The following LRP1B variants were observed in gnomAD, a reference collection of about 807,000 sequenced individuals.
LRP1B encodes LDL receptor related protein 1B, also known as low-density lipoprotein receptor-related protein 1B.
LRP1B carries 217 observed loss-of-function variants against 556.6 expected under a neutral mutation model. That is an observed-to-expected ratio of 0.39 (90% CI 0.35 to 0.44). The LOEUF (loss-of-function observed/expected upper bound fraction) is 0.44, where lower values mean the gene tolerates loss of function less well. Ranked by LOEUF, LRP1B falls within the 20% of genes least tolerant of loss-of-function variation. The pLI is 1.00. For synonymous variants in LRP1B, 2,047 were observed against 1,865.8 expected (o/e 1.10, Z -2.50); for missense variants, 5,053 against 5,620.8 (o/e 0.90, Z 3.23).
intron 3 of LRP1B, among the ~76,000 whole-genome samples, chr2:141,459,946 A>C (rs1192801209): frequency 6.6e-6 from 1 of 152,186 alleles, no homozygotes; most frequent in Non-Finnish European, 1.5e-5. Context: ...GATAGAAGAC[A>C]AGAGAGATGA....
chr2:141,306,807 T>C (rs1378648138), intron 3 of LRP1B, among the ~76,000 whole-genome samples: 3 of 152,254 alleles, frequency 2.0e-5, no homozygotes, highest in Non-Finnish European at 4.4e-5. Flanking sequence ...TCTGGTATTA[T>C]GTATCAATTT....
intron 49 of LRP1B, among the ~76,000 whole-genome samples, chr2:140,520,565 T>G (rs1690118879): frequency 6.6e-6 from 1 of 151,974 alleles, no homozygotes; most frequent in Non-Finnish European, 1.5e-5. Context: ...GTAAAAAACC[T>G]GCACATTGTG....
At chr2:140,659,889 C>T (rs1025475468) in intron 41 of LRP1B, among the ~76,000 whole-genome samples, 1 of 152,022 alleles carries the variant, frequency 6.6e-6, no homozygotes, top group African/African-American at 2.4e-5. Flanking sequence ...GGGAGTAACA[C>T]ATTGATTTTT....
At chr2:140,438,651 C>T (rs1686294951) in intron 66 of LRP1B, among the ~76,000 whole-genome samples, 1 of 152,254 alleles carries the variant, frequency 6.6e-6, no homozygotes, top group South Asian at 2.1e-4. Context: ...AAAAAGTTCA[C>T]GTTCTCTTCA....
intron 1 of LRP1B, among the ~76,000 whole-genome samples, chr2:141,858,272 A>G (rs150825850): frequency 6.6e-6 from 1 of 152,296 alleles, no homozygotes; most frequent in African/African-American, 2.4e-5. Flanking sequence ...TCCACACTGT[A>G]AGTTCTTTAG....
chr2:141,987,824 T>C (rs1413298338), intron 1 of LRP1B, among the ~76,000 whole-genome samples: 4 of 151,958 alleles, frequency 2.6e-5, no homozygotes, highest in African/African-American at 4.8e-5. Flanking sequence ...ACTACCAGTA[T>C]TTTCAGGCAA....
intron 1 of LRP1B, among the ~76,000 whole-genome samples, chr2:141,986,968 G>T (rs1702208383): frequency 6.6e-6 from 1 of 151,978 alleles, no homozygotes; most frequent in African/African-American, 2.4e-5. Flanking sequence ...ACCTTGGTAA[G>T]TATTTAACCC....
chr2:140,639,331 A>G (rs1294879440), intron 41 of LRP1B, among the ~76,000 whole-genome samples: 2 of 152,208 alleles, frequency 1.3e-5, no homozygotes, highest in Non-Finnish European at 1.5e-5. Flanking sequence ...ATTGTTGAAC[A>G]TTCTTGAGAC....
intron 7 of LRP1B, among the ~76,000 whole-genome samples, chr2:141,101,615 A>G (rs1700463349): frequency 6.6e-6 from 1 of 152,184 alleles, no homozygotes; most frequent in Admixed American, 6.6e-5. Flanking sequence ...TGTGTATTTG[A>G]ATGAATGAGT....
At chr2:141,605,001 G>A (rs1278375884) in intron 2 of LRP1B, among the ~76,000 whole-genome samples, 4 of 152,060 alleles carry the variant, frequency 2.6e-5, no homozygotes, top group Non-Finnish European at 5.9e-5. Flanking sequence ...AGCCAAGGCA[G>A]GCAGAGTGGG....
At chr2:141,173,660 T>C (rs1384585787) in intron 7 of LRP1B, among the ~76,000 whole-genome samples, 1 of 152,056 alleles carries the variant, frequency 6.6e-6, no homozygotes, top group Non-Finnish European at 1.5e-5. Context: ...CTTCACTTGG[T>C]GTGGGTAGGA....
intron 8 of LRP1B, 78 bp from the exon 9 acceptor site, chr2:141,059,132 C>A (rs896621550): frequency 1.1e-6 from 1 of 940,102 alleles, no homozygotes; most frequent in East Asian, 2.8e-5. Flanking sequence ...TTGCTATTTA[C>A]TAGTATGGAA....
intron 76 of LRP1B, 82 bp downstream of exon 76, chr2:140,352,871 G>T (rs16843835): frequency 1.5e-6 from 2 of 1,347,020 alleles, no homozygotes; most frequent in Non-Finnish European, 1.0e-6. Flanking sequence ...GCTGTTGCTG[G>T]AATGAAATAT....
intron 2 of LRP1B, among the ~76,000 whole-genome samples, chr2:141,584,331 A>G (rs1214402774): frequency 6.6e-6 from 1 of 152,146 alleles, no homozygotes; most frequent in Admixed American, 6.5e-5. Context: ...TAGACAAAAG[A>G]GAAGTGAGAT....
At chr2:141,951,415 C>T (rs1392107406) in intron 1 of LRP1B, among the ~76,000 whole-genome samples, 1 of 152,122 alleles carries the variant, frequency 6.6e-6, no homozygotes, top group African/African-American at 2.4e-5. Flanking sequence ...TCAGCTCCAA[C>T]GTATAGGTGA....
chr2:140,868,361 G>T, intron 25 of LRP1B, 98 bp from the exon 26 acceptor site: 1 of 1,121,756 alleles, frequency 8.9e-7, no homozygotes, highest in Non-Finnish European at 1.2e-6. Flanking sequence ...CACTGGATAG[G>T]TGATAAGTCA....
rs536721302 is a variant in LRP1B, at chr2:141,333,654, A to T, written c.344-79013T>A. The stretch of plus-strand genomic sequence containing the variant: ...ATCACCACCTCCATCTGAAAATTTT[A>T]AAGTGAAACTAAAATAGTTAGATAA... On this transcript the variant is annotated intron_variant, in intron 3 of 90. Transcript: ENST00000389484. Among the ~76,000 whole-genome samples the T allele has an allele frequency of 3.3e-5, 5 of 152,338 alleles. No individual in the cohort carries two copies. The East Asian group carries it at 9.6e-4, about 29-fold the overall frequency.
chr2:141,129,203 T>C (rs1701289491), intron 7 of LRP1B, among the ~76,000 whole-genome samples: 1 of 152,060 alleles, frequency 6.6e-6, no homozygotes, highest in South Asian at 2.1e-4. Context: ...TAACTTAAAA[T>C]AATTTCTGAA....
chr2:141,686,592 T>C (rs1419040631), intron 2 of LRP1B, among the ~76,000 whole-genome samples: 1 of 152,032 alleles, frequency 6.6e-6, no homozygotes, highest in African/African-American at 2.4e-5. Context: ...CCATATTGTT[T>C]CCTTCTGAAT....
Sources: allele counts gnomAD v4.1 joint callset (sites outside exome capture counted in the v4.1 genomes callset), GRCh38; gene constraint gnomAD v4.1.1; transcripts MANE v1.5; gene names NCBI Gene and HGNC (gene_info 2026-07-23, HGNC 2026-07-21).